The following CYP4X1 variants were observed in gnomAD, a reference collection of about 807,000 sequenced individuals.
The protein encoded by CYP4X1 is cytochrome P450 family 4 subfamily X member 1.
Under a neutral mutation model 57.9 loss-of-function variants are expected in CYP4X1, and 44 were observed. The ratio of observed to expected loss-of-function variants is 0.76; its 90% CI spans 0.60 to 0.98. CYP4X1 has a LOEUF of 0.98. Among genes scored for constraint, CYP4X1 ranks in the 50% least tolerant of loss-of-function variants. The pLI is 0.00. For synonymous variants in CYP4X1, 227 were observed against 228.6 expected, an observed-to-expected ratio of 0.99 and a Z score of 0.06; for missense variants, 532 against 623.9, an observed-to-expected ratio of 0.85 and a Z score of 1.57.
At position 47,036,010 on chromosome 1, in the gene CYP4X1, C is replaced by T. The variant is rs1553152471; in HGVS notation, c.621-7C>T. 10 of 1,610,970 alleles carry T rather than the reference C, an allele frequency of 6.2e-6. No homozygotes were observed. Among genetic ancestry groups the T allele is most frequent in the Middle Eastern group, 3.3e-4 (2 of 6,072 alleles). On this transcript the variant is annotated splice_polypyrimidine_tract_variant and splice_region_variant and intron_variant, in intron 5 of 11. Coordinates refer to ENST00000371901, the MANE Select transcript of CYP4X1 (RefSeq NM_178033.2). ...TATTAACACATTATCCCAACTTTCT[C>T]TTCTAGCACCCATGATCCTTATGCA...
chr1:46,999,755 C>CTT, the CYP4X1 span, among the ~76,000 whole-genome samples: 1 of 147,428 alleles, frequency 6.8e-6, no homozygotes, highest in African/African-American at 2.5e-5. Context: ...AACTCTTTTT[C>CTT]TTTTTTTTTT....
Position 47,033,279 on chromosome 1 carries a change from C to T in CYP4X1, c.403C>T (p.Gln135Ter). 6.2e-7 allele frequency: 1 copy of T among 1,613,750 alleles called. No individual in the cohort carries two copies. Residue 135 changes from glutamine to a stop codon, truncating the protein, a stop_gained, in exon 4 of 12, where the codon CAG (glutamine) becomes TAG (stop). Transcript: ENST00000371901. LOFTEE classifies it high-confidence loss of function. ...GGCTCTAGACGGACCCAAGTGGTTC[C>T]AGCATCGTCGCCTACTAACTCCTGG... ...LAALDGPKWF[Q>*]HRRLLTPGFH...
At chr1:47,053,311 C>G (rs1043464868), downstream of CYP4X1, among the ~76,000 whole-genome samples, 3 of 152,134 alleles carry the variant, frequency 2.0e-5, no homozygotes, top group African/African-American at 4.8e-5. Context: ...TTAATCCAGT[C>G]TATCATTGTT....
At chr1:46,997,470 A>G in the CYP4X1 span, among the ~76,000 whole-genome samples, 1 of 152,196 alleles carries the variant, frequency 6.6e-6, no homozygotes, top group South Asian at 2.1e-4. Flanking sequence ...AATAACATGC[A>G]TGCAGTATTT....
At chr1:46,979,976 C>T in the CYP4X1 span, among the ~76,000 whole-genome samples, 1 of 152,148 alleles carries the variant, frequency 6.6e-6, no homozygotes, top group Non-Finnish European at 1.5e-5. Flanking sequence ...TGGAACATAT[C>T]TCAAAATAAT....
At chr1:46,980,518 G>C in the CYP4X1 span, among the ~76,000 whole-genome samples, 1 of 152,154 alleles carries the variant, frequency 6.6e-6, no homozygotes, top group African/African-American at 2.4e-5. Context: ...CTCATGGATA[G>C]GAAAAATCAA....
the CYP4X1 span, among the ~76,000 whole-genome samples, chr1:46,990,565 A>G: frequency 6.6e-6 from 1 of 152,232 alleles, no homozygotes; most frequent in Non-Finnish European, 1.5e-5. Context: ...TACCCAAAGG[A>G]TTATAAATCA....
the CYP4X1 span, among the ~76,000 whole-genome samples, chr1:47,010,733 G>T: frequency 6.6e-6 from 1 of 152,256 alleles, no homozygotes; most frequent in Middle Eastern, 3.4e-3. Flanking sequence ...CAAAATCAAT[G>T]TGCAAAAATC....
intron 9 of CYP4X1, among the ~76,000 whole-genome samples, 161 bp from the exon 10 acceptor site, chr1:47,048,404 G>T (rs775305907): frequency 6.6e-6 from 1 of 152,188 alleles, no homozygotes; most frequent in African/African-American, 2.4e-5. Context: ...AACCCAAGCC[G>T]CATCTTCTTA....
At chr1:47,052,220 T>C (rs1644363982), downstream of CYP4X1, among the ~76,000 whole-genome samples, 1 of 152,154 alleles carries the variant, frequency 6.6e-6, no homozygotes, top group African/African-American at 2.4e-5. Flanking sequence ...CTAATAATTA[T>C]TATATTATTG....
chr1:46,993,970 A>G, the CYP4X1 span, among the ~76,000 whole-genome samples: 1 of 152,124 alleles, frequency 6.6e-6, no homozygotes, highest in African/African-American at 2.4e-5. Flanking sequence ...TTTTGTTGCC[A>G]TTGCTTTTCG....
the CYP4X1 span, among the ~76,000 whole-genome samples, chr1:46,970,494 A>G: frequency 6.6e-6 from 1 of 152,252 alleles, no homozygotes; most frequent in South Asian, 2.1e-4. Context: ...ATTACCATAC[A>G]GGAAGACTCA....
chr1:47,014,057 G>C, the CYP4X1 span, among the ~76,000 whole-genome samples: 2 of 152,106 alleles, frequency 1.3e-5, no homozygotes, highest in African/African-American at 4.8e-5. Context: ...TTACAGGTGT[G>C]AGCCACCCCA....
intron 8 of CYP4X1, among the ~76,000 whole-genome samples, chr1:47,041,426 T>C (rs990869455): frequency 3.3e-5 from 5 of 152,160 alleles, no homozygotes; most frequent in Admixed American, 2.6e-4. Flanking sequence ...ATAAGGGTTC[T>C]GTTTTCTCCA....
At chr1:46,989,598 T>C in the CYP4X1 span, among the ~76,000 whole-genome samples, 2 of 152,100 alleles carry the variant, frequency 1.3e-5, no homozygotes, top group African/African-American at 4.8e-5. Flanking sequence ...GACAAGACAA[T>C]CATAAGCAAA....
the CYP4X1 span, among the ~76,000 whole-genome samples, chr1:47,000,691 A>G: frequency 2.6e-5 from 4 of 152,098 alleles, no homozygotes; most frequent in African/African-American, 9.7e-5. Flanking sequence ...TTGGGTGGGG[A>G]TTCAGGGATG....
chr1:47,043,343 T>G (rs909760568), intron 8 of CYP4X1, among the ~76,000 whole-genome samples: 9 of 152,176 alleles, frequency 5.9e-5, no homozygotes, highest in Admixed American at 2.0e-4. Context: ...CCCTGTAGAT[T>G]CTGGATATTA....
intron 1 of CYP4X1, among the ~76,000 whole-genome samples, chr1:47,024,378 A>C (rs1455661100): frequency 6.6e-6 from 1 of 152,208 alleles, no homozygotes; most frequent in Admixed American, 6.5e-5. Flanking sequence ...AATATGCAAA[A>C]TCTATCCCAA....
the CYP4X1 span, among the ~76,000 whole-genome samples, chr1:46,963,676 C>T: frequency 1.3e-5 from 2 of 152,178 alleles, no homozygotes; most frequent in African/African-American, 2.4e-5. Flanking sequence ...CTGTCCTTAA[C>T]ATTTTTTCCT....
Sources: gnomAD v4.1 joint callset for allele counts (sites outside exome capture counted in the v4.1 genomes callset) on GRCh38, gnomAD v4.1.1 for gene constraint, MANE v1.5 for transcripts, NCBI Gene and HGNC (gene_info 2026-07-23, HGNC 2026-07-21) for gene names.